Variants in SHROOM3 observed in about 807,000 individuals in gnomAD.
SHROOM3 encodes the protein shroom family member 3, also known as protein Shroom3.
SHROOM3 carries 47 observed loss-of-function variants against 138.6 expected under a neutral mutation model. The observed-to-expected ratio is 0.34, with a 90% confidence interval of 0.27 to 0.43. The LOEUF (loss-of-function observed/expected upper bound fraction) is 0.43. Ranked by LOEUF, SHROOM3 falls within the 20% of genes least tolerant of loss-of-function variation. The pLI, the probability that SHROOM3 is intolerant of heterozygous loss-of-function variation, is 1.00. For synonymous variants in SHROOM3, 1,062 were observed against 1,063.3 expected (o/e 1.00, Z 0.02); for missense variants, 2,491 against 2,596.5 (o/e 0.96, Z 0.88).
intron 1 of SHROOM3, among the ~76,000 whole-genome samples, chr4:76,495,740 G>A (rs913195509): frequency 6.6e-6 from 1 of 152,204 alleles, no homozygotes; most frequent in African/African-American, 2.4e-5. Context: ...CTGATGTGAG[G>A]CATGTGAGCA....
chr4:76,650,919 G>T (rs1735941899), intron 2 of SHROOM3, among the ~76,000 whole-genome samples: 1 of 152,140 alleles, frequency 6.6e-6, no homozygotes, highest in South Asian at 2.1e-4. Context: ...AGAAAATGTG[G>T]TACTTATACA....
chr4:76,467,292 C>T (rs1014452014), intron 1 of SHROOM3, among the ~76,000 whole-genome samples: 9 of 152,118 alleles, frequency 5.9e-5, no homozygotes, highest in Admixed American at 4.6e-4. Context: ...AGCCATCTGC[C>T]TGCCTCTGCT....
At chr4:76,471,914 A>C (rs1731383696) in intron 1 of SHROOM3, among the ~76,000 whole-genome samples, 1 of 152,124 alleles carries the variant, frequency 6.6e-6, no homozygotes, top group East Asian at 1.9e-4. Context: ...CTCTGGAGTC[A>C]GACTACCTGG....
At chr4:76,472,503 A>G (rs1731395403) in intron 1 of SHROOM3, among the ~76,000 whole-genome samples, 1 of 152,152 alleles carries the variant, frequency 6.6e-6, no homozygotes, top group Non-Finnish European at 1.5e-5. Flanking sequence ...GAGATCTGAC[A>G]AAATTCCATT....
chr4:76,723,936 C>G (rs1353902679), intron 3 of SHROOM3, among the ~76,000 whole-genome samples: 1 of 152,344 alleles, frequency 6.6e-6, no homozygotes, highest in East Asian at 1.9e-4. Flanking sequence ...AGATTATAAA[C>G]TCTTAGGCCT....
Position 76,569,880 on chromosome 4 carries a change from G to C in SHROOM3, c.323+14117G>C, listed in dbSNP as rs78343363. Among the ~76,000 whole-genome samples the C allele has an allele frequency of 2.2e-3, 339 of 152,176 alleles. 10 individuals carry two copies. The East Asian group carries it at 0.061, about 27-fold the overall frequency. On this transcript the variant is annotated intron_variant, in intron 2 of 10. Coordinates refer to ENST00000296043, the MANE Select transcript of SHROOM3 (RefSeq NM_020859.4). ...TGCAGCCTCTAGCCCTAAGGGAGTG[G>C]ACATGCTCTTCTCTGGCTGGGTGAG...
At chr4:76,708,223 G>A (rs1045233839) in intron 2 of SHROOM3, among the ~76,000 whole-genome samples, 1 of 152,080 alleles carries the variant, frequency 6.6e-6, no homozygotes, top group African/African-American at 2.4e-5. Context: ...ATGATTTTAT[G>A]TTCCTCATGC....
rs1721211046 is a variant in SHROOM3, at chr4:76,740,491, A to G, written c.2318A>G (p.Gln773Arg). Residue 773 changes from glutamine (Q) to arginine (R), a missense_variant, in exon 5 of 11, where the codon CAG becomes CGG. Physicochemically the swap from Gln to Arg is conservative, Grantham distance 43. Around this residue, in one of 4 missense-constraint regions of SHROOM3, gnomAD observed 1,733 missense variants for 1,661.6 expected, o/e 1.04. Coordinates refer to ENST00000296043, the MANE Select transcript of SHROOM3 (RefSeq NM_020859.4). This position sits in a 1 kb window ranked among gnomAD's most constrained non-coding sequence, Gnocchi z 4.0. The part of the protein sequence containing the change: ...PGSASALQGF[Q>R]YGKPHCSVLE... ...AGCGCCTCGGCTCTTCAGGGCTTTC[A>G]GTACGGGAAGCCCCACTGCTCGGTG... 6.2e-7 allele frequency: 1 copy of G among 1,612,964 alleles called. No individual in the cohort carries two copies. The highest frequency in any genetic ancestry group is 8.5e-7 in the Non-Finnish European group (1 of 1,179,344).
chr4:76,626,240 A>G (rs1211110113), intron 2 of SHROOM3, among the ~76,000 whole-genome samples: 1 of 152,216 alleles, frequency 6.6e-6, no homozygotes, highest in African/African-American at 2.4e-5. Context: ...AAGTGGTAGA[A>G]ATGATAGTGG....
chr4:76,642,711 T>G (rs146973240), intron 2 of SHROOM3, among the ~76,000 whole-genome samples: 18 of 152,006 alleles, frequency 1.2e-4, no homozygotes, highest in African/African-American at 3.9e-4. Flanking sequence ...TGAATCTAGG[T>G]AATAGGTTAG....
In SHROOM3 at chr4:76,608,580, CATA is replaced by C. The variant is rs1560563154; in HGVS notation, c.323+52818_323+52820del. Among the ~76,000 whole-genome samples, 614 of 148,662 alleles carry C rather than the reference CATA, an allele frequency of 4.1e-3. 4 individuals carry two copies. Among genetic ancestry groups the C allele is most frequent in the African/African-American group, 0.015 (582 of 39,572 alleles). Reference sequence around the variant, plus strand: ...CATAGCATAGCATAGCATAGCATAGCATAGCATAGCATAGCATAGCATAGCATA... The same window carrying C: ...CATAGCATAGCATAGCATAGCATAGCGCATAGCATAGCATAGCATAGCATA... On this transcript the variant is annotated intron_variant, in intron 2 of 10. Coordinates refer to ENST00000296043, the MANE Select transcript of SHROOM3 (RefSeq NM_020859.4).
At chr4:76,746,011 A>T (rs1721424352) in intron 5 of SHROOM3, among the ~76,000 whole-genome samples, 1 of 152,176 alleles carries the variant, frequency 6.6e-6, no homozygotes, top group Non-Finnish European at 1.5e-5. Flanking sequence ...ATTATTCCTC[A>T]CATCTGTGCA....
chr4:76,615,506 G>A (rs2110063467), intron 2 of SHROOM3, among the ~76,000 whole-genome samples: 2 of 152,332 alleles, frequency 1.3e-5, no homozygotes, highest in East Asian at 3.9e-4. Flanking sequence ...TACAAATCCT[G>A]TTAGAAGTTG....
intron 5 of SHROOM3, 157 bp downstream of exon 5, chr4:76,742,083 C>A: frequency 1.0e-6 from 1 of 959,538 alleles, no homozygotes; most frequent in Non-Finnish European, 1.6e-6. Flanking sequence ...TTGAGTTTCT[C>A]AAGTGTCCCT....
chr4:76,706,658 C>T (rs919393730), intron 2 of SHROOM3, among the ~76,000 whole-genome samples: 4 of 152,134 alleles, frequency 2.6e-5, no homozygotes, highest in Admixed American at 6.5e-5. Context: ...AGAGGACCCA[C>T]GTAGTTCAAG....
At chr4:76,604,892 T>C (rs1734583402) in intron 2 of SHROOM3, among the ~76,000 whole-genome samples, 1 of 152,214 alleles carries the variant, frequency 6.6e-6, no homozygotes, top group Non-Finnish European at 1.5e-5. Context: ...TACTTATCTA[T>C]GAAACCAAAA....
intron 1 of SHROOM3, among the ~76,000 whole-genome samples, chr4:76,481,152 T>C (rs1731600018): frequency 6.6e-6 from 1 of 151,322 alleles, no homozygotes; most frequent in African/African-American, 2.4e-5. Context: ...CTGAAGGAGA[T>C]AGAGATACGA....
intron 2 of SHROOM3, among the ~76,000 whole-genome samples, chr4:76,677,653 T>A (rs1359103223): frequency 2.0e-5 from 3 of 152,238 alleles, no homozygotes; most frequent in Non-Finnish European, 4.4e-5. Flanking sequence ...AAGAGCCTGC[T>A]AGAATCTGCT....
At chr4:76,681,631 G>GTGTGTGTGTATGTA (rs1196090598) in intron 2 of SHROOM3, among the ~76,000 whole-genome samples, 1 of 147,284 alleles carries the variant, frequency 6.8e-6, no homozygotes, top group Non-Finnish European at 1.5e-5. Flanking sequence ...GTGTGTGTGT[G>GTGTGTGTGTATGTA]TGTATGTGTC....
Sources: allele counts gnomAD v4.1 joint callset (sites outside exome capture counted in the v4.1 genomes callset), GRCh38; gene constraint gnomAD v4.1.1; regional missense constraint gnomAD v4.1.1; non-coding constraint Gnocchi (gnomAD v3.1); transcripts MANE v1.5; gene names NCBI Gene and HGNC (gene_info 2026-07-23, HGNC 2026-07-21).